The following RPS6KC1 variants were observed in gnomAD, a reference collection of about 807,000 sequenced individuals.
RPS6KC1 encodes inactive ribosomal protein S6 kinase delta-1.
Under a neutral mutation model 103.8 loss-of-function variants are expected in RPS6KC1, and 54 were observed. The ratio of observed to expected loss-of-function variants is 0.52; its 90% confidence interval spans 0.42 to 0.65. RPS6KC1 has a LOEUF of 0.65. Among genes scored for constraint, RPS6KC1 ranks in the 30% least tolerant of loss-of-function variants. The pLI is 0.00. For synonymous variants in RPS6KC1, 439 were observed against 438.7 expected (o/e 1.00, Z -0.01); for missense variants, 1,151 against 1,253.8 (o/e 0.92, Z 1.24).
the RPS6KC1 span, among the ~76,000 whole-genome samples, chr1:213,408,673 G>A: frequency 1.1e-4 from 16 of 152,204 alleles, no homozygotes; most frequent in South Asian, 2.1e-3. Flanking sequence ...TGAACTTGTC[G>A]GAGCCTGTAA....
chr1:213,592,417 A>G, the RPS6KC1 span, among the ~76,000 whole-genome samples: 1 of 152,228 alleles, frequency 6.6e-6, no homozygotes, highest in African/African-American at 2.4e-5. Flanking sequence ...ATGTTTGAAT[A>G]TCTAGCTTTT....
chr1:213,568,048 C>T, the RPS6KC1 span, among the ~76,000 whole-genome samples: 1 of 152,186 alleles, frequency 6.6e-6, no homozygotes, highest in Non-Finnish European at 1.5e-5. Context: ...CCAAGTGACA[C>T]TTTGATATCT....
At chr1:213,724,467 C>T in the RPS6KC1 span, among the ~76,000 whole-genome samples, 1 of 152,170 alleles carries the variant, frequency 6.6e-6, no homozygotes, top group Non-Finnish European at 1.5e-5. Flanking sequence ...CTCGCCAATA[C>T]AAACCTGAGA....
chr1:213,401,189 C>T, the RPS6KC1 span, among the ~76,000 whole-genome samples: 1 of 152,094 alleles, frequency 6.6e-6, no homozygotes, highest in South Asian at 2.1e-4. Flanking sequence ...ATTTATTGAG[C>T]ATCCACTACA....
At chr1:213,182,580 G>C (rs2092321612) in intron 8 of RPS6KC1, among the ~76,000 whole-genome samples, 1 of 151,652 alleles carries the variant, frequency 6.6e-6, no homozygotes, top group Non-Finnish European at 1.5e-5. Flanking sequence ...TGGAAACAGA[G>C]AGAACAAACA....
At chr1:213,192,256 A>G (rs2092775816) in intron 8 of RPS6KC1, among the ~76,000 whole-genome samples, 1 of 152,190 alleles carries the variant, frequency 6.6e-6, no homozygotes. Flanking sequence ...GTCATGATGA[A>G]TGATCTTTTT....
the RPS6KC1 span, among the ~76,000 whole-genome samples, chr1:213,504,460 T>G: frequency 6.6e-6 from 1 of 152,228 alleles, no homozygotes; most frequent in Non-Finnish European, 1.5e-5. Context: ...GTGCCATGGT[T>G]GCTATTCTGG....
chr1:213,428,474 C>CT, the RPS6KC1 span, among the ~76,000 whole-genome samples: 187 of 52,024 alleles, frequency 3.6e-3, 4 homozygotes, highest in African/African-American at 0.011. Flanking sequence ...TCCTCCCTCC[C>CT]TCCCTCCCTT....
At chr1:213,836,610 G>A in the RPS6KC1 span, among the ~76,000 whole-genome samples, 1 of 151,634 alleles carries the variant, frequency 6.6e-6, no homozygotes, top group Non-Finnish European at 1.5e-5. Flanking sequence ...CTATAGCAGT[G>A]TTTTTTCAAA....
chr1:213,826,707 T>C, the RPS6KC1 span, among the ~76,000 whole-genome samples: 1 of 152,240 alleles, frequency 6.6e-6, no homozygotes, highest in Non-Finnish European at 1.5e-5. Flanking sequence ...TCTTGCTGTC[T>C]GCTGAGCATA....
intron 8 of RPS6KC1, among the ~76,000 whole-genome samples, chr1:213,223,157 C>T (rs1177976675): frequency 2.0e-5 from 3 of 152,052 alleles, no homozygotes; most frequent in African/African-American, 4.8e-5. Context: ...AACACAAATC[C>T]GGTTATATGT....
chr1:213,728,950 T>TG, the RPS6KC1 span, among the ~76,000 whole-genome samples: 2 of 132,138 alleles, frequency 1.5e-5, no homozygotes, highest in Non-Finnish European at 3.1e-5. Flanking sequence ...TTTTTTTTGT[T>TG]TTTTTTTTTT....
At chr1:213,130,507 A>G (rs2085486659) in intron 6 of RPS6KC1, among the ~76,000 whole-genome samples, 1 of 152,138 alleles carries the variant, frequency 6.6e-6, no homozygotes. Flanking sequence ...GACTTTTTGG[A>G]TGCAGTAATC....
chr1:213,699,816 C>T, the RPS6KC1 span, among the ~76,000 whole-genome samples: 1 of 152,110 alleles, frequency 6.6e-6, no homozygotes, highest in African/African-American at 2.4e-5. Flanking sequence ...AGCACATTTT[C>T]ATATGCCTGT....
the RPS6KC1 span, among the ~76,000 whole-genome samples, chr1:213,367,529 T>C: frequency 6.6e-6 from 1 of 152,234 alleles, no homozygotes; most frequent in African/African-American, 2.4e-5. Context: ...CCATGAGTTC[T>C]GCCGTGGTTG....
the RPS6KC1 span, among the ~76,000 whole-genome samples, chr1:213,808,587 G>A: frequency 2.0e-5 from 3 of 152,240 alleles, no homozygotes; most frequent in Non-Finnish European, 4.4e-5. Flanking sequence ...TCCGAGCCAG[G>A]TGCAGGATAT....
the RPS6KC1 span, among the ~76,000 whole-genome samples, chr1:213,657,881 A>G: frequency 2.0e-5 from 3 of 152,226 alleles, 1 homozygote; most frequent in African/African-American, 7.2e-5. Context: ...TAGGAGGTAC[A>G]TGGATGAATA....
At chr1:213,457,315 C>G in the RPS6KC1 span, among the ~76,000 whole-genome samples, 1 of 152,232 alleles carries the variant, frequency 6.6e-6, no homozygotes, top group Non-Finnish European at 1.5e-5. Flanking sequence ...GCTGGCTGAC[C>G]GTGCTCTCTG....
chr1:213,664,062 A>G, the RPS6KC1 span, among the ~76,000 whole-genome samples: 6 of 152,122 alleles, frequency 3.9e-5, no homozygotes, highest in Non-Finnish European at 1.5e-5. Context: ...CAGATGCCGC[A>G]GGTCACAGCA....
Sources: allele counts gnomAD v4.1 joint callset (sites outside exome capture counted in the v4.1 genomes callset), GRCh38; gene constraint gnomAD v4.1.1; transcripts MANE v1.5; gene names NCBI Gene and HGNC (gene_info 2026-07-23, HGNC 2026-07-21).